The following EPN2 variants were observed in gnomAD, a reference collection of about 807,000 sequenced individuals.
EPN2 encodes the protein epsin 2.
Under a neutral mutation model 61.7 loss-of-function variants are expected in EPN2, and 34 were observed. The ratio of observed to expected loss-of-function variants is 0.55; its 90% CI spans 0.42 to 0.73. EPN2 has a LOEUF of 0.73. Ranked by LOEUF, EPN2 falls within the 30% of genes least tolerant of loss-of-function variation. The pLI is 0.00. For synonymous variants in EPN2, 349 were observed against 353.6 expected (o/e 0.99, Z 0.15); for missense variants, 714 against 839.2 (o/e 0.85, Z 1.84).
intron 1 of EPN2, among the ~76,000 whole-genome samples, chr17:19,270,469 G>A (rs985368136): frequency 5.3e-5 from 8 of 152,206 alleles, no homozygotes; most frequent in Non-Finnish European, 1.0e-4. Context: ...GGATGCCTCT[G>A]TAGGCTTTCA....
chr17:19,245,419 CTTTTT>C (rs57599278), intron 1 of EPN2, among the ~76,000 whole-genome samples: 1 of 134,440 alleles, frequency 7.4e-6, no homozygotes, highest in African/African-American at 3.0e-5. Context: ...ATTTGGTAGT[CTTTTT>C]TTTTTTTTTT....
chr17:19,284,251 A>C (rs1407107312), intron 3 of EPN2, among the ~76,000 whole-genome samples: 2 of 152,202 alleles, frequency 1.3e-5, no homozygotes, highest in African/African-American at 2.4e-5. Context: ...CAAACATGCA[A>C]ATGAGAGTTG....
chr17:19,241,746 A>C (rs1272656477), intron 1 of EPN2, among the ~76,000 whole-genome samples: 1 of 152,160 alleles, frequency 6.6e-6, no homozygotes. Context: ...GCCTTTTTTT[A>C]AACCACTGTA....
chr17:19,294,375 G>A (rs992018548), intron 4 of EPN2, among the ~76,000 whole-genome samples: 2 of 152,172 alleles, frequency 1.3e-5, no homozygotes, highest in African/African-American at 2.4e-5. Context: ...AACCAAGATT[G>A]TGCCACTGCA....
chr17:19,333,929 C>T, intron 10 of EPN2, 27 bp from the exon 11 acceptor site: 1 of 1,510,976 alleles, frequency 6.6e-7, no homozygotes, highest in South Asian at 1.4e-5. Flanking sequence ...GACGGCTCAG[C>T]CTCTGCCCCT....
chr17:19,264,643 CATGTTTT>C (rs2045177190), intron 1 of EPN2, among the ~76,000 whole-genome samples: 1 of 151,998 alleles, frequency 6.6e-6, no homozygotes, highest in Admixed American at 6.6e-5. Flanking sequence ...ATTCATAGGC[CATGTTTT>C]ATGTTCAGTG....
chr17:19,307,735 A>G (rs1303908032), intron 4 of EPN2, among the ~76,000 whole-genome samples: 3 of 152,322 alleles, frequency 2.0e-5, no homozygotes, highest in Admixed American at 6.5e-5. Flanking sequence ...CACATGGTAG[A>G]GAAGTTCCCA....
chr17:19,254,632 G>A (rs1017258406), intron 1 of EPN2, among the ~76,000 whole-genome samples: 2 of 152,112 alleles, frequency 1.3e-5, no homozygotes, highest in Non-Finnish European at 2.9e-5. Context: ...GATTGTTTCT[G>A]GTGACCATTA....
At chr17:19,246,673 C>T (rs188398501) in intron 1 of EPN2, among the ~76,000 whole-genome samples, 31 of 150,544 alleles carry the variant, frequency 2.1e-4, no homozygotes, top group Non-Finnish European at 4.1e-4. Context: ...AGGCCCCTTC[C>T]GCCCCCCCCA....
chr17:19,238,698 C>T (rs947364286), intron 1 of EPN2, among the ~76,000 whole-genome samples: 1 of 152,184 alleles, frequency 6.6e-6, no homozygotes, highest in Non-Finnish European at 1.5e-5. Flanking sequence ...CATTTAATAA[C>T]TTTTTTATCT....
intron 5 of EPN2, among the ~76,000 whole-genome samples, chr17:19,311,148 A>G (rs778014779): frequency 3.3e-5 from 5 of 152,158 alleles, no homozygotes; most frequent in Non-Finnish European, 7.4e-5. Flanking sequence ...ATAACTGGCA[A>G]CATTCTAAAG....
At position 19,293,645 on chromosome 17, in the gene EPN2, G is replaced by A. The variant is rs1027007334; in HGVS notation, c.766+7855G>A. ...TGGGCTCAAGCTATCCTCTGGCCTC[G>A]GCCTCTCAAAGTGTTGAGATTACAG... On this transcript the variant is annotated intron_variant, in intron 4 of 10. Coordinates refer to ENST00000314728, the MANE Select transcript of EPN2 (RefSeq NM_014964.5). Among the ~76,000 whole-genome samples, 371 of 150,244 alleles carry A rather than the reference G, an allele frequency of 2.5e-3. 4 individuals carry two copies. The highest frequency in any genetic ancestry group is 3.7e-3 in the Non-Finnish European group (248 of 67,780).
chr17:19,238,402 C>T (rs969427032), intron 1 of EPN2, among the ~76,000 whole-genome samples: 1 of 152,174 alleles, frequency 6.6e-6, no homozygotes, highest in Non-Finnish European at 1.5e-5. Context: ...TGAAGTTTGC[C>T]CAGTGGCTTT....
intron 7 of EPN2, among the ~76,000 whole-genome samples, chr17:19,314,457 G>A (rs1442755670): frequency 6.6e-6 from 1 of 152,190 alleles, no homozygotes; most frequent in East Asian, 1.9e-4. Flanking sequence ...GAGTGGTGGA[G>A]TGGGTGCAGA....
intron 4 of EPN2, among the ~76,000 whole-genome samples, chr17:19,304,538 G>A (rs1392886451): frequency 6.6e-5 from 10 of 152,228 alleles, no homozygotes; most frequent in Non-Finnish European, 1.3e-4. Context: ...AGGGTGGGGT[G>A]TCTGAAGGAG....
At chr17:19,300,301 T>C (rs757328339) in intron 4 of EPN2, among the ~76,000 whole-genome samples, 2 of 151,978 alleles carry the variant, frequency 1.3e-5, no homozygotes, top group African/African-American at 4.8e-5. Flanking sequence ...TTATATGCCA[T>C]AGGGAAGGAG....
At chr17:19,254,979 T>C (rs1238342009) in intron 1 of EPN2, among the ~76,000 whole-genome samples, 2 of 152,202 alleles carry the variant, frequency 1.3e-5, no homozygotes, top group Admixed American at 6.5e-5. Flanking sequence ...GTGTTTCATG[T>C]GCAGGGCATT....
In EPN2 at chr17:19,328,689, C is replaced by T. The variant is rs199555488; in HGVS notation, c.1148-22C>T. The T allele has an allele frequency of 2.1e-5, 34 of 1,588,584 alleles. No individual in the cohort carries two copies. The African/African-American group carries it at 4.3e-4, about 20-fold the overall frequency. On this transcript the variant is annotated intron_variant, in intron 7 of 10. Coordinates refer to ENST00000314728, the MANE Select transcript of EPN2 (RefSeq NM_014964.5). ...CAGACCCTCTGAAGGCATTTCTGAGCCCTGACCCTGCCTTCCAACAGGTAC... is the reference window on the plus strand; with the variant it reads ...CAGACCCTCTGAAGGCATTTCTGAGTCCTGACCCTGCCTTCCAACAGGTAC...
At chr17:19,278,749 A>C (rs2045333061) in intron 1 of EPN2, among the ~76,000 whole-genome samples, 1 of 152,132 alleles carries the variant, frequency 6.6e-6, no homozygotes, top group South Asian at 2.1e-4. Flanking sequence ...CCTGGGTTGA[A>C]GCGATTCTCA....
Sources: gnomAD v4.1 joint callset for allele counts (sites outside exome capture counted in the v4.1 genomes callset) on GRCh38, gnomAD v4.1.1 for gene constraint, MANE v1.5 for transcripts, NCBI Gene and HGNC (gene_info 2026-07-23, HGNC 2026-07-21) for gene names.